PRAG1: variants seen among roughly 807,000 people sequenced by gnomAD.
PRAG1 encodes PEAK1 related, kinase-activating pseudokinase 1.
A neutral mutation model predicts 95.6 loss-of-function variants in PRAG1; 110 were observed. The observed-to-expected ratio is 1.15, with a 90% CI of 0.99 to 1.35. The LOEUF is 1.35. Ranked by LOEUF, PRAG1 falls within the 40% of genes most tolerant of loss-of-function variation. The probability of loss-of-function intolerance (pLI) is 0.00; values close to 1 mark genes in which losing one functional copy is unlikely to be tolerated. For missense variants in PRAG1, 2,554 were observed against 1,864.7 expected (o/e 1.37, Z -6.81); for synonymous variants, 1,052 against 819.4 (o/e 1.28, Z -4.85).
chr8:8,365,549 A>C (rs1310378746), intron 3 of PRAG1, among the ~76,000 whole-genome samples: 1 of 152,106 alleles, frequency 6.6e-6, no homozygotes, highest in Non-Finnish European at 1.5e-5. Flanking sequence ...ACTTAAGCCC[A>C]GGAGTTGGAG....
At chr8:8,332,470 G>T (rs998305760) in intron 4 of PRAG1, among the ~76,000 whole-genome samples, 2 of 152,102 alleles carry the variant, frequency 1.3e-5, no homozygotes, top group African/African-American at 4.8e-5. Context: ...GGTCTATTAT[G>T]ATTTTTGTAT....
chr8:8,384,219 G>C (rs954340470), intron 1 of PRAG1, among the ~76,000 whole-genome samples: 3 of 152,122 alleles, frequency 2.0e-5, no homozygotes, highest in Non-Finnish European at 4.4e-5. Flanking sequence ...CAACAGGCAA[G>C]TAAGAACACA....
Position 8,318,152 on chromosome 8 carries a change from G to A in PRAG1, c.*2C>T. 6.2e-7 allele frequency: 1 copy of A among 1,610,276 alleles called. No individual in the cohort carries two copies. The highest frequency in any genetic ancestry group is 8.5e-7 in the Non-Finnish European group (1 of 1,178,054). On this transcript the variant is annotated 3_prime_UTR_variant, in exon 6 of 6. Transcript: ENST00000615670. This position sits in a 1 kb window ranked among gnomAD's most constrained non-coding sequence, Gnocchi z 4.2. ...CAGCGACGGTGCAGGCTGGGGCTTG[G>A]CTCACAGAAGCTGCAGGAGCTTCAG... is the stretch of plus-strand genomic sequence containing the variant.
At chr8:8,322,792 A>G (rs1440705694) in intron 5 of PRAG1, among the ~76,000 whole-genome samples, 1 of 152,210 alleles carries the variant, frequency 6.6e-6, no homozygotes, top group Admixed American at 6.5e-5. Flanking sequence ...AGTGCCAATC[A>G]GAAAATCTTT....
At position 8,327,809 on chromosome 8, in the gene PRAG1, G is replaced by A; in HGVS notation, c.2973C>T (p.Leu991=). 1.2e-6 allele frequency: 2 copies of A among 1,614,250 alleles called. No individual in the cohort carries two copies. Among genetic ancestry groups the A allele is most frequent in the Non-Finnish European group, 1.7e-6 (2 of 1,180,044 alleles). Residue 991 remains leucine, a synonymous_variant, in exon 5 of 6, where the codon CTC becomes CTT. Coordinates refer to ENST00000615670, the MANE Select transcript of PRAG1 (RefSeq NM_001080826.3). ...AGGGCTTGTTACAAGTCAGCTTGAAGAGCGACCAGTTATTCTCATTGAAGT... is the reference window on the plus strand; with the variant it reads ...AGGGCTTGTTACAAGTCAGCTTGAAAAGCGACCAGTTATTCTCATTGAAGT... ...ELHFNENNWS[L]FKLTCNKPCC...
intron 4 of PRAG1, among the ~76,000 whole-genome samples, chr8:8,335,583 T>TTTCC (rs1798960796): frequency 6.6e-6 from 1 of 152,232 alleles, no homozygotes; most frequent in Non-Finnish European, 1.5e-5. Flanking sequence ...AACAATAATA[T>TTTCC]ATTATTTAAA....
At chr8:8,355,345 GA>G (rs779722890) in intron 3 of PRAG1, among the ~76,000 whole-genome samples, 6 of 152,122 alleles carry the variant, frequency 3.9e-5, no homozygotes, top group Admixed American at 6.5e-5. Flanking sequence ...CACCAAAAGT[GA>G]TATACAGATT....
rs1232937770 is a variant in PRAG1 at position 8,376,235 on chromosome 8, A to G, written c.2162+12T>C. On this transcript the variant is annotated intron_variant, in intron 3 of 5. Transcript: ENST00000615670. ...CCTGCAGACAGAGTCCCAGGCAGAC[A>G]ATGGTACTCACCGCGACTTTGGAGG... 2 of 1,608,994 alleles carry G rather than the reference A, an allele frequency of 1.2e-6. No individual in the cohort carries two copies. Among genetic ancestry groups the G allele is most frequent in the Non-Finnish European group, 1.7e-6 (2 of 1,177,730 alleles).
chr8:8,345,366 A>C (rs1799304116), intron 3 of PRAG1, among the ~76,000 whole-genome samples: 1 of 130,218 alleles, frequency 7.7e-6, no homozygotes, highest in Admixed American at 7.8e-5. Flanking sequence ...CCCTGTCTCT[A>C]CAAAAAAAAA....
chr8:8,344,012 C>A (rs774808325), intron 3 of PRAG1, among the ~76,000 whole-genome samples: 70 of 152,026 alleles, frequency 4.6e-4, no homozygotes, highest in African/African-American at 1.5e-3. Context: ...TCAGTATAAC[C>A]TATATCAATT....
At chr8:8,382,328 A>T (rs1800706346) in intron 1 of PRAG1, among the ~76,000 whole-genome samples, 1 of 152,240 alleles carries the variant, frequency 6.6e-6, no homozygotes, top group African/African-American at 2.4e-5. Flanking sequence ...GAGGGGAGGC[A>T]GCTTTAGGCC....
At chr8:8,369,804 T>C (rs1376109709) in intron 3 of PRAG1, among the ~76,000 whole-genome samples, 13 of 151,984 alleles carry the variant, frequency 8.6e-5, no homozygotes, top group African/African-American at 3.1e-4. Flanking sequence ...GACACAGAGC[T>C]GAGCTTACCT....
chr8:8,373,126 A>G (rs1800268380), intron 3 of PRAG1, among the ~76,000 whole-genome samples: 1 of 152,072 alleles, frequency 6.6e-6, no homozygotes, highest in Non-Finnish European at 1.5e-5. Context: ...TGCCATAATT[A>G]CCAGTGTGTA....
chr8:8,337,504 A>G (rs1444474890), intron 4 of PRAG1, among the ~76,000 whole-genome samples: 3 of 152,038 alleles, frequency 2.0e-5, no homozygotes, highest in Admixed American at 6.6e-5. Flanking sequence ...GAGAGAGAGA[A>G]AGAATGTCAT....
chr8:8,345,647 T>C (rs953944251), intron 3 of PRAG1, among the ~76,000 whole-genome samples: 1 of 151,810 alleles, frequency 6.6e-6, no homozygotes, highest in African/African-American at 2.4e-5. Context: ...ACCAAAAAAT[T>C]AGCCAAGCAC....
chr8:8,334,230 G>C (rs1798914851), intron 4 of PRAG1, among the ~76,000 whole-genome samples: 1 of 152,082 alleles, frequency 6.6e-6, no homozygotes, highest in Admixed American at 6.6e-5. Flanking sequence ...GATCACCTGA[G>C]GTCTGGAGTT....
rs189249475 is a variant in PRAG1 at position 8,365,935 on chromosome 8, G to A, written c.2162+10312C>T. 3.1e-4 allele frequency among the ~76,000 whole-genome samples: 47 copies of A among 152,150 alleles called. No homozygotes were observed. The East Asian group carries it at 3.9e-3, about 13-fold the overall frequency. Reference sequence around the variant, plus strand: ...GTGGAGATTGCAGTGAGCTGAGATCGTGCTTGCACTACAGCCTGGGTGACA... The same window carrying A: ...GTGGAGATTGCAGTGAGCTGAGATCATGCTTGCACTACAGCCTGGGTGACA... On this transcript the variant is annotated intron_variant, in intron 3 of 5. Transcript: ENST00000615670.
Position 8,327,982 on chromosome 8 carries a change from T to C in PRAG1, c.2800A>G (p.Thr934Ala). Residue 934 changes from threonine (T) to alanine (A), a missense_variant, in exon 5 of 6, where the codon ACC (threonine) becomes GCC (alanine). Transcript: ENST00000615670. ...AGGAGACCGTGCAGCTGAAGCTGGG[T>C]GCTCCCGGTGGAGGCTTGACTGGAC... ...SVSSQASTGSTQLQLHGLLSN... is the reference protein window; with the variant it reads ...SVSSQASTGSAQLQLHGLLSN... 1 of 1,599,004 alleles carries C rather than the reference T, an allele frequency of 6.3e-7. No individual in the cohort carries two copies. Among genetic ancestry groups the C allele is most frequent in the African/African-American group, 1.3e-5 (1 of 74,662 alleles).
intron 3 of PRAG1, among the ~76,000 whole-genome samples, chr8:8,361,204 C>A (rs970688740): frequency 6.6e-6 from 1 of 152,116 alleles, no homozygotes; most frequent in South Asian, 2.1e-4. Flanking sequence ...AAGGAAAGAA[C>A]GTTGAAGTTG....
Sources: gnomAD v4.1 joint callset for allele counts (sites outside exome capture counted in the v4.1 genomes callset) on GRCh38, gnomAD v4.1.1 for gene constraint, Gnocchi (gnomAD v3.1) non-coding constraint, MANE v1.5 for transcripts, NCBI Gene and HGNC (gene_info 2026-07-23, HGNC 2026-07-21) for gene names.